Variants in ALG11 observed in about 807,000 individuals in gnomAD.
ALG11 encodes ALG11 alpha-1,2-mannosyltransferase, also known as GDP-Man:Man(3)GlcNAc(2)-PP-Dol alpha-1,2-mannosyltransferase.
A neutral mutation model predicts 38.8 loss-of-function variants in ALG11; 26 were observed. The observed-to-expected ratio is 0.67, with a 90% CI of 0.49 to 0.93. The LOEUF (loss-of-function observed/expected upper bound fraction) is 0.93, where lower values mean the gene tolerates loss of function less well. Ranked by LOEUF, ALG11 falls within the 40% of genes least tolerant of loss-of-function variation. The pLI is 0.00. For synonymous variants in ALG11, 199 were observed against 211.6 expected (o/e 0.94, Z 0.52); for missense variants, 535 against 578.8 (o/e 0.92, Z 0.78).
rs1379121967 is a variant in ALG11 at position 52,024,228 on chromosome 13, G to A, written c.498G>A (p.Gln166=). The change falls in exon 3 of 4, where the codon CAG becomes CAA. Residue 166 remains glutamine (Q), a synonymous_variant. Transcript: ENST00000521508. ...TTCTTGGCTGGGAAGCTCTAATGCA[G>A]TGTGTTCCTGATGTTTACATTGATT... ...SIFLGWEALM[Q]CVPDVYIDSM... The A allele has an allele frequency of 2.5e-6, 4 of 1,614,144 alleles. No homozygotes were observed. The highest frequency in any genetic ancestry group is 2.5e-6 in the Non-Finnish European group (3 of 1,180,016).
rs545725806 is a variant in ALG11, at chr13:52,019,443, G to A, written c.275+300G>A. On this transcript the variant is annotated intron_variant, in intron 2 of 3. Coordinates refer to ENST00000521508, the MANE Select transcript of ALG11 (RefSeq NM_001004127.3). ...TCACCATGTTAGCCAGGATGGTCTC[G>A]ATCTGCTGACCTTGTGATCCGCCCA... Among the ~76,000 whole-genome samples the A allele has an allele frequency of 7.9e-5, 12 of 152,002 alleles. No individual in the cohort carries two copies. In the South Asian group the frequency reaches 1.0e-3, roughly 13 times the overall value.
In ALG11 at chr13:52,024,528, C is replaced by G. The variant is rs769569896; in HGVS notation, c.798C>G (p.Leu266=). 3 of 1,614,230 alleles carry G rather than the reference C, an allele frequency of 1.9e-6. No individual in the cohort carries two copies. Among genetic ancestry groups the G allele is most frequent in the Admixed American group, 3.3e-5 (2 of 60,020 alleles). Residue 266 remains leucine (L), a synonymous_variant, in exon 3 of 4, where the codon CTC becomes CTG. Coordinates refer to ENST00000521508, the MANE Select transcript of ALG11 (RefSeq NM_001004127.3). ...VNSSWTLNHI[L]SLWKVGNCTN... The stretch of plus-strand genomic sequence containing the variant: ...CTTCTTGGACACTAAACCATATTCT[C>G]TCACTATGGAAAGTTGGGAATTGCA...
chr13:52,029,153 T>C lies in ALG11; in HGVS notation c.*563T>C. 6.2e-7 allele frequency: 1 copy of C among 1,613,944 alleles called. No homozygotes were observed. Among genetic ancestry groups the C allele is most frequent in the South Asian group, 1.1e-5 (1 of 91,058 alleles). ...AGTCAAATCAAAGAAGGTGGTGGAG[T>C]TACCTCTTAACAAAGAAAAAATTGA... is the stretch of plus-strand genomic sequence containing the variant. On this transcript the variant is annotated 3_prime_UTR_variant, in exon 4 of 4. Transcript: ENST00000521508.
chr13:52,028,100 A>C (rs1954259143), intron 3 of ALG11, among the ~76,000 whole-genome samples: 1 of 152,196 alleles, frequency 6.6e-6, no homozygotes, highest in Admixed American at 6.5e-5. Flanking sequence ...CTCTTAAAAA[A>C]AAAAAAGTGA....
Position 52,031,476 on chromosome 13 carries a change from A to G in ALG11, c.*2886A>G. On this transcript the variant is annotated 3_prime_UTR_variant, in exon 4 of 4. Coordinates refer to ENST00000521508, the MANE Select transcript of ALG11 (RefSeq NM_001004127.3). Reference sequence around the variant, plus strand: ...GGTGTGTGTAGGGTGGTAGAGGCCAAGGTGCTGCCAGCAATCCTTTCCATA... The same window carrying G: ...GGTGTGTGTAGGGTGGTAGAGGCCAGGGTGCTGCCAGCAATCCTTTCCATA... 5.0e-6 allele frequency: 1 copy of G among 201,534 alleles called. No homozygotes were observed. The highest frequency in any genetic ancestry group is 1.3e-4 in the East Asian group (1 of 7,594). 12.5% of individuals were successfully genotyped at this position (201,534 alleles called of 1,614,324 possible).
In ALG11 at chr13:52,024,512, CACTAAACCA is replaced by C. The variant is rs1183555980; in HGVS notation, c.783_791del (p.Leu262_His264del). On this transcript the variant is annotated inframe_deletion, in exon 3 of 4. Coordinates refer to ENST00000521508, the MANE Select transcript of ALG11 (RefSeq NM_001004127.3). ...GTAGTCATGGTCAATTCTTCTTGGA[CACTAAACCA>C]TATTCTCTCACTATGGAAAGTTGGG... 2 of 1,614,194 alleles carry C rather than the reference CACTAAACCA, an allele frequency of 1.2e-6. No homozygotes were observed. The highest frequency in any genetic ancestry group is 1.7e-6 in the Non-Finnish European group (2 of 1,180,032).
chr13:52,013,933 CTAAG>C (rs961964856), intron 1 of ALG11, among the ~76,000 whole-genome samples: 1 of 152,148 alleles, frequency 6.6e-6, no homozygotes, highest in Admixed American at 6.5e-5. Context: ...GCGGATAAAA[CTAAG>C]TGATAGTGGA....
At chr13:52,013,404 AAGTCTGTTATC>A (rs376216563) in intron 1 of ALG11, among the ~76,000 whole-genome samples, 174 of 152,368 alleles carry the variant, frequency 1.1e-3, no homozygotes, top group African/African-American at 4.0e-3. Context: ...TTGAATGAGA[AAGTCTGTTATC>A]AGAGCCTTTT....
Position 52,030,613 on chromosome 13 carries a change from C to T in ALG11, c.*2023C>T. On this transcript the variant is annotated 3_prime_UTR_variant, in exon 4 of 4. Coordinates refer to ENST00000521508, the MANE Select transcript of ALG11 (RefSeq NM_001004127.3). ...AGGAAGCTTTTGCTGGGGATGATGT[C>T]ATCAGAGATTTCTTGAAAGAGAAGA... 2 of 1,614,154 alleles carry T rather than the reference C, an allele frequency of 1.2e-6. No homozygotes were observed. The highest frequency in any genetic ancestry group is 1.7e-6 in the Non-Finnish European group (2 of 1,180,020).
Position 52,012,786 on chromosome 13 carries a change from T to C in ALG11, c.44+324T>C, listed in dbSNP as rs77505745. Among the ~76,000 whole-genome samples, 6,592 of 152,240 alleles carry C rather than the reference T, an allele frequency of 0.043. 190 individuals are homozygous for C. Among genetic ancestry groups the C allele is most frequent in the Non-Finnish European group, 0.069 (4,711 of 68,010 alleles). On this transcript the variant is annotated intron_variant, in intron 1 of 3. Coordinates refer to ENST00000521508, the MANE Select transcript of ALG11 (RefSeq NM_001004127.3). ...AATTATTCATATTCATTCCTTATTT[T>C]TCTTTACGATTGAGCCACGAGACAT...
In ALG11 at chr13:52,029,313, T is replaced by A; in HGVS notation, c.*723T>A. The A allele has an allele frequency of 6.2e-7, 1 of 1,614,132 alleles. No homozygotes were observed. The highest frequency in any genetic ancestry group is 1.6e-4 in the Middle Eastern group (1 of 6,062). On this transcript the variant is annotated 3_prime_UTR_variant, in exon 4 of 4. Coordinates refer to ENST00000521508, the MANE Select transcript of ALG11 (RefSeq NM_001004127.3). Reference sequence around the variant, plus strand: ...AAGGAGCAGCCAGCCATTGCTCCCATTGAACATGCGCTCAGTGGCTGGAAG... The same window carrying A: ...AAGGAGCAGCCAGCCATTGCTCCCAATGAACATGCGCTCAGTGGCTGGAAG...
Position 52,028,576 on chromosome 13 carries a change from A to AAGTTATTTAAG in ALG11, c.1466_1476dup (p.Ter493SerfsTer40). 1 of 1,614,014 alleles carries AAGTTATTTAAG rather than the reference A, an allele frequency of 6.2e-7. No homozygotes were observed. Among genetic ancestry groups the AAGTTATTTAAG allele is most frequent in the South Asian group, 1.1e-5 (1 of 91,084 alleles). ...AGTGACATTCCTATCATCTGTGGAAAAGTTATTTAAGTAATGCCATATCTG... is the reference window on the plus strand; with the variant it reads ...AGTGACATTCCTATCATCTGTGGAAAAGTTATTTAAGAGTTATTTAAGTAATGCCATATCTG... On this transcript the variant is annotated frameshift_variant, in exon 4 of 4. Coordinates refer to ENST00000521508, the MANE Select transcript of ALG11 (RefSeq NM_001004127.3). LOFTEE classifies it high-confidence loss of function.
intron 3 of ALG11, 94 bp from the exon 4 acceptor site, chr13:52,028,225 T>A: frequency 7.0e-7 from 1 of 1,426,894 alleles, no homozygotes; most frequent in Non-Finnish European, 9.8e-7. Flanking sequence ...TTCTCATAAG[T>A]CCCTTAAATT....
In ALG11 at chr13:52,024,094, A is replaced by G; in HGVS notation, c.364A>G (p.Ile122Val). ...ILEGAFRRFN[I>V]RLIHPVQFVF... ...AGAAGGTGCTTTCAGAAGATTTAACATCAGATTAATTCACCCAGTGCAGTT... is the reference window on the plus strand; with the variant it reads ...AGAAGGTGCTTTCAGAAGATTTAACGTCAGATTAATTCACCCAGTGCAGTT... The change falls in exon 3 of 4, where the codon ATC becomes GTC. Residue 122 changes from isoleucine (I) to valine (V), a missense_variant. By Grantham distance (29) the Ile-to-Val change is conservative. Coordinates refer to ENST00000521508, the MANE Select transcript of ALG11 (RefSeq NM_001004127.3). The G allele has an allele frequency of 6.2e-7, 1 of 1,614,162 alleles. No individual in the cohort carries two copies. The highest frequency in any genetic ancestry group is 8.5e-7 in the Non-Finnish European group (1 of 1,180,014).
chr13:52,018,771 G>T, intron 1 of ALG11, 142 bp from the exon 2 acceptor site: 1 of 721,408 alleles, frequency 1.4e-6, no homozygotes, highest in Non-Finnish European at 2.3e-6. Flanking sequence ...TTTCATACTT[G>T]AGTATTTTGT....
intron 2 of ALG11, among the ~76,000 whole-genome samples, 171 bp downstream of exon 2, chr13:52,019,314 C>G (rs1250647940): frequency 2.0e-5 from 3 of 151,266 alleles, no homozygotes; most frequent in African/African-American, 7.3e-5. Flanking sequence ...CTCCGCCTCC[C>G]AGGTTCATGC....
chr13:52,026,106 G>A (rs534229780), intron 3 of ALG11, among the ~76,000 whole-genome samples: 2 of 152,338 alleles, frequency 1.3e-5, no homozygotes, highest in East Asian at 3.9e-4. Context: ...CCGTGTGCCA[G>A]GTGCTATGCT....
intron 1 of ALG11, among the ~76,000 whole-genome samples, chr13:52,013,636 G>A (rs960102478): frequency 6.6e-6 from 1 of 152,200 alleles, no homozygotes; most frequent in African/African-American, 2.4e-5. Context: ...TACATTATAT[G>A]GGTCAGCTGC....
Position 52,029,492 on chromosome 13 carries a change from C to T in ALG11, c.*902C>T, listed in dbSNP as rs373183639. The T allele has an allele frequency of 2.7e-5, 43 of 1,613,982 alleles. No homozygotes were observed. Among genetic ancestry groups the T allele is most frequent in the African/African-American group, 6.7e-5 (5 of 74,878 alleles). On this transcript the variant is annotated 3_prime_UTR_variant, in exon 4 of 4. Transcript: ENST00000521508. ...GCACCGAGCAGAGCTTCAGAGGGCT[C>T]GGGCTCTGCAGTCCTACTATGAGGC...
Sources: gnomAD v4.1 joint callset for allele counts (sites outside exome capture counted in the v4.1 genomes callset) on GRCh38, gnomAD v4.1.1 for gene constraint, MANE v1.5 for transcripts, NCBI Gene and HGNC (gene_info 2026-07-23, HGNC 2026-07-21) for gene names.